Variants in HABP2 observed in about 807,000 individuals in gnomAD.
HABP2 encodes hyaluronan binding protein 2, also known as factor VII-activating protease.
In HABP2, 65 loss-of-function variants were observed where a neutral mutation model predicts 66.5. That is an observed-to-expected ratio of 0.98 (90% CI 0.80 to 1.20). The LOEUF is 1.20. Ranked by LOEUF, HABP2 falls within the 50% of genes most tolerant of loss-of-function variation. The pLI, the probability that HABP2 is intolerant of heterozygous loss-of-function variation, is 0.00. For missense variants in HABP2, 786 were observed against 691.0 expected (o/e 1.14, Z -1.54); for synonymous variants, 263 against 253.9 (o/e 1.04, Z -0.34).
chr10:113,581,766 C>CT (rs755234454), intron 8 of HABP2, 110 bp from the exon 9 acceptor site: 199 of 1,085,850 alleles, frequency 1.8e-4, no homozygotes, highest in Non-Finnish European at 2.6e-4. Flanking sequence ...AGTCTCTCAG[C>CT]TCTGGACCCC....
chr10:113,563,763 ATGTCCCTCAAAGTCTTC>A (rs1240448971), intron 1 of HABP2, among the ~76,000 whole-genome samples: 4 of 152,188 alleles, frequency 2.6e-5, no homozygotes, highest in African/African-American at 9.7e-5. Context: ...CCGAGGAAGG[ATGTCCCTCAAAGTCTTC>A]TGCCCACTTC....
intron 1 of HABP2, among the ~76,000 whole-genome samples, chr10:113,556,595 G>T (rs1213141271): frequency 2.6e-5 from 4 of 151,872 alleles, no homozygotes; most frequent in African/African-American, 9.7e-5. Flanking sequence ...CATGTCTGTA[G>T]TCTCAGCTAC....
chr10:113,575,936 G>C lies in HABP2; in HGVS notation c.263G>C (p.Cys88Ser). Residue 88 changes from cysteine to serine, a missense_variant, in exon 4 of 13, where the codon TGC becomes TCC. Coordinates refer to ENST00000351270, the MANE Select transcript of HABP2 (RefSeq NM_004132.5). Reference protein sequence around the residue: ...QPNPCEHGGDCLVHGSTFTCS... With the variant: ...QPNPCEHGGDSLVHGSTFTCS... ...AACCCCTGTGAACACGGTGGGGACT[G>C]CCTCGTCCATGGGAGCACCTTCACA... 2 of 1,612,116 alleles carry C rather than the reference G, an allele frequency of 1.2e-6. No homozygotes were observed. Among genetic ancestry groups the C allele is most frequent in the Non-Finnish European group, 1.7e-6 (2 of 1,178,174 alleles).
At chr10:113,571,718 C>T (rs780517924) in intron 2 of HABP2, among the ~76,000 whole-genome samples, 1 of 152,118 alleles carries the variant, frequency 6.6e-6, no homozygotes, top group Non-Finnish European at 1.5e-5. Context: ...CTTCTAGCTC[C>T]CTCACCTCTT....
intron 10 of HABP2, 47 bp from the exon 11 acceptor site, chr10:113,584,101 A>G (rs1204789051): frequency 1.1e-5 from 18 of 1,591,480 alleles, no homozygotes; most frequent in Non-Finnish European, 1.5e-5. Context: ...TGCTTCTCTG[A>G]CAAAGAGGTG....
intron 2 of HABP2, among the ~76,000 whole-genome samples, chr10:113,573,160 G>T (rs1845344734): frequency 6.6e-6 from 1 of 152,138 alleles, no homozygotes; most frequent in South Asian, 2.1e-4. Flanking sequence ...CCATACTCCA[G>T]CCGGCTGGAG....
rs1845756285 is a variant in HABP2 at position 113,589,008 on chromosome 10, C to T, written c.*639C>T. ...GCAGGGCCTTCTTCTTTTTGACGTG[C>T]AGAATCTCAGTGGCATCTGGGTTCA... is the stretch of plus-strand genomic sequence containing the variant. On this transcript the variant is annotated 3_prime_UTR_variant, in exon 13 of 13. Coordinates refer to ENST00000351270, the MANE Select transcript of HABP2 (RefSeq NM_004132.5). The T allele has an allele frequency of 6.2e-7, 1 of 1,614,000 alleles. No individual in the cohort carries two copies.
chr10:113,551,320 A>C (rs1844894089), upstream of HABP2, among the ~76,000 whole-genome samples: 1 of 152,234 alleles, frequency 6.6e-6, no homozygotes, highest in Non-Finnish European at 1.5e-5. Flanking sequence ...AACCTCATAA[A>C]TGCTGTAAAG....
chr10:113,581,809 G>C (rs1400679743), intron 8 of HABP2, 67 bp from the exon 9 acceptor site: 8 of 1,538,688 alleles, frequency 5.2e-6, no homozygotes, highest in Non-Finnish European at 7.2e-6. Context: ...TCATACCTCT[G>C]CCTGAGCCCT....
intron 7 of HABP2, among the ~76,000 whole-genome samples, chr10:113,579,032 A>G (rs1592696982): frequency 2.0e-5 from 3 of 151,756 alleles, no homozygotes; most frequent in Admixed American, 6.6e-5. Flanking sequence ...TGATGCAGGC[A>G]GATTGCTTGA....
At chr10:113,578,182 G>A (rs1238776062) in intron 6 of HABP2, 37 bp downstream of exon 6, 4 of 1,610,086 alleles carry the variant, frequency 2.5e-6, no homozygotes, top group South Asian at 2.2e-5. Flanking sequence ...CACAAGTGAG[G>A]CCTCTGGAAC....
chr10:113,565,469 C>T (rs1845181443), intron 1 of HABP2, among the ~76,000 whole-genome samples: 1 of 152,132 alleles, frequency 6.6e-6, no homozygotes, highest in Non-Finnish European at 1.5e-5. Flanking sequence ...GATCACATGG[C>T]AAGAGGGGAA....
intron 12 of HABP2, among the ~76,000 whole-genome samples, chr10:113,587,338 C>CAAAAA (rs59296183): frequency 7.3e-5 from 11 of 150,810 alleles, no homozygotes; most frequent in African/African-American, 2.2e-4. Flanking sequence ...AACAAACAAA[C>CAAAAA]AAAAAAAAAC....
In HABP2 at chr10:113,581,954, T is replaced by C. The variant is rs145122141; in HGVS notation, c.917T>C (p.Ile306Thr). ...TTTGACTCCTGTGGAAAGACTGAGATAGCAGAGAGGAAGATCAAGAGAATC... is the reference window on the plus strand; with the variant it reads ...TTTGACTCCTGTGGAAAGACTGAGACAGCAGAGAGGAAGATCAAGAGAATC... ...PGFDSCGKTE[I>T]AERKIKRIYG... The change falls in exon 9 of 13, where the codon ATA becomes ACA. Residue 306 changes from isoleucine to threonine, a missense_variant. Ile to Thr is a moderately conservative substitution (Grantham distance 89). Transcript: ENST00000351270. The C allele has an allele frequency of 1.2e-6, 2 of 1,614,024 alleles. No homozygotes were observed. Among genetic ancestry groups the C allele is most frequent in the Non-Finnish European group, 1.7e-6 (2 of 1,179,972 alleles).
chr10:113,551,562 T>C (rs921086227), upstream of HABP2, among the ~76,000 whole-genome samples: 25 of 152,232 alleles, frequency 1.6e-4, no homozygotes, highest in African/African-American at 5.8e-4. Context: ...TCCTAGCACT[T>C]TGGGAGCCTG....
chr10:113,581,858 C>A lies in HABP2; in HGVS notation c.839-18C>A. 6.2e-7 allele frequency: 1 copy of A among 1,613,410 alleles called. No homozygotes were observed. The highest frequency in any genetic ancestry group is 8.5e-7 in the Non-Finnish European group (1 of 1,179,694). On this transcript the variant is annotated intron_variant, in intron 8 of 12. Coordinates refer to ENST00000351270, the MANE Select transcript of HABP2 (RefSeq NM_004132.5). ...AGGGAGGCTGAATAGCACAATTTAT[C>A]TTTCTTGTGTCCCACAGACGTTGCC...
chr10:113,588,061 C>G (rs1292875318), intron 12 of HABP2, 144 bp from the exon 13 acceptor site: 1 of 582,416 alleles, frequency 1.7e-6, no homozygotes, highest in Non-Finnish European at 3.0e-6. Context: ...GTGGGGAGAG[C>G]CTTGTCACTG....
intron 1 of HABP2, among the ~76,000 whole-genome samples, chr10:113,564,361 G>A (rs1463683435): frequency 6.6e-6 from 1 of 152,066 alleles, no homozygotes; most frequent in South Asian, 2.1e-4. Flanking sequence ...GTCCCCTCAT[G>A]GCACCTCTCT....
chr10:113,558,044 A>G (rs1845031625), intron 1 of HABP2, among the ~76,000 whole-genome samples: 1 of 152,160 alleles, frequency 6.6e-6, no homozygotes, highest in Non-Finnish European at 1.5e-5. Context: ...CTGCCCAAAG[A>G]CAAACAAGAC....
Sources: gnomAD v4.1 joint callset for allele counts (sites outside exome capture counted in the v4.1 genomes callset) on GRCh38, gnomAD v4.1.1 for gene constraint, MANE v1.5 for transcripts, NCBI Gene and HGNC (gene_info 2026-07-23, HGNC 2026-07-21) for gene names.